Variants in SLAIN2 observed in about 807,000 individuals in gnomAD.
SLAIN2 encodes SLAIN motif-containing protein 2.
SLAIN2 carries 31 observed loss-of-function variants against 56.6 expected under a neutral mutation model. The ratio of observed to expected loss-of-function variants is 0.55; its 90% CI spans 0.41 to 0.74. The LOEUF (loss-of-function observed/expected upper bound fraction) is 0.74. Among genes scored for constraint, SLAIN2 ranks in the 30% least tolerant of loss-of-function variants. The pLI is 0.00. For missense variants in SLAIN2, 777 were observed against 754.2 expected (o/e 1.03, Z -0.35); for synonymous variants, 317 against 284.9 (o/e 1.11, Z -1.13).
intron 6 of SLAIN2, among the ~76,000 whole-genome samples, chr4:48,395,089 G>A (rs1458794348): frequency 1.3e-5 from 2 of 152,126 alleles, no homozygotes; most frequent in Non-Finnish European, 2.9e-5. Flanking sequence ...ATCACAAGTT[G>A]TGGTTGATTG....
intron 1 of SLAIN2, among the ~76,000 whole-genome samples, chr4:48,369,010 C>G (rs572373963): frequency 6.6e-6 from 1 of 152,258 alleles, no homozygotes; most frequent in Admixed American, 6.5e-5. Flanking sequence ...ATTATTGACT[C>G]CTTATTGAAA....
intron 1 of SLAIN2, among the ~76,000 whole-genome samples, chr4:48,365,044 C>G (rs62309425): frequency 1.3e-5 from 2 of 151,848 alleles, no homozygotes; most frequent in African/African-American, 4.8e-5. Context: ...TTAGGTTGTT[C>G]ATAATATTCG....
In SLAIN2 at chr4:48,412,400, AC is replaced by A. The variant is rs1560465825; in HGVS notation, c.1361-7724del. Among the ~76,000 whole-genome samples, 557 of 57,650 alleles carry A rather than the reference AC, an allele frequency of 9.7e-3. 27 individuals carry two copies. Among genetic ancestry groups the A allele is most frequent in the African/African-American group, 0.028 (536 of 18,950 alleles). The allele number at this position is 57,650 out of a possible 152,430, so 37.8% of individuals were successfully genotyped here. A position where few individuals can be genotyped will look rare whatever the true frequency, so the allele number is the denominator to read the frequency against. Reference sequence around the variant, plus strand: ...CACACACACACACACACACACACACACACACACACACACACATTCCCTCTCT... The same window carrying A: ...CACACACACACACACACACACACACAACACACACACACACATTCCCTCTCT... On this transcript the variant is annotated intron_variant, in intron 6 of 7. Transcript: ENST00000264313.
intron 1 of SLAIN2, among the ~76,000 whole-genome samples, chr4:48,365,444 CAAAAAAA>C (rs34317951): frequency 3.5e-5 from 2 of 56,990 alleles, no homozygotes; most frequent in African/African-American, 1.3e-4. Context: ...GACTCCATCT[CAAAAAAA>C]AAAAAAAAAA....
At chr4:48,393,357 G>A (rs1716282438) in intron 6 of SLAIN2, among the ~76,000 whole-genome samples, 1 of 149,358 alleles carries the variant, frequency 6.7e-6, no homozygotes, top group African/African-American at 2.5e-5. Context: ...CTGAATAGCT[G>A]GGACCACAGA....
intron 1 of SLAIN2, among the ~76,000 whole-genome samples, chr4:48,361,643 GT>G (rs1441905731): frequency 1.3e-5 from 2 of 151,836 alleles, no homozygotes; most frequent in Admixed American, 6.6e-5. Flanking sequence ...TTCCAAAATT[GT>G]TTTATCCGTT....
At chr4:48,366,296 A>T (rs1270239040) in intron 1 of SLAIN2, among the ~76,000 whole-genome samples, 1 of 152,126 alleles carries the variant, frequency 6.6e-6, no homozygotes, top group Non-Finnish European at 1.5e-5. Flanking sequence ...TTACTGTTGG[A>T]TGGAGTGTCC....
intron 2 of SLAIN2, among the ~76,000 whole-genome samples, chr4:48,372,007 CACACATATACATATAT>C (rs1715681074): frequency 6.7e-6 from 1 of 150,118 alleles, no homozygotes; most frequent in Admixed American, 6.7e-5. Flanking sequence ...CACACACACA[CACACATATACATATAT>C]ACACATATAT....
chr4:48,360,827 C>T (rs1283212992), intron 1 of SLAIN2, among the ~76,000 whole-genome samples: 1 of 152,162 alleles, frequency 6.6e-6, no homozygotes, highest in South Asian at 2.1e-4. Context: ...CTCAGATTTG[C>T]CTATTCTAGA....
At chr4:48,417,902 T>C (rs898902521) in intron 6 of SLAIN2, among the ~76,000 whole-genome samples, 1 of 152,218 alleles carries the variant, frequency 6.6e-6, no homozygotes. Flanking sequence ...TGATTTCTAA[T>C]GTTCGTTGCT....
At chr4:48,356,499 T>C (rs947987115) in intron 1 of SLAIN2, among the ~76,000 whole-genome samples, 10 of 152,212 alleles carry the variant, frequency 6.6e-5, no homozygotes, top group African/African-American at 2.4e-4. Flanking sequence ...GCTGAAAAGA[T>C]ACGTGCTAGT....
chr4:48,352,104 A>G (rs1017406770), intron 1 of SLAIN2, among the ~76,000 whole-genome samples: 1 of 138,570 alleles, frequency 7.2e-6, no homozygotes, highest in African/African-American at 2.6e-5. Flanking sequence ...GAGTTTTTGA[A>G]TATTGGAATG....
At chr4:48,376,899 C>G (rs1364242899) in intron 2 of SLAIN2, among the ~76,000 whole-genome samples, 1 of 145,472 alleles carries the variant, frequency 6.9e-6, no homozygotes, top group African/African-American at 2.5e-5. Context: ...GCGTGAGCCA[C>G]CGCGCCCGGC....
chr4:48,341,715 A>AGGCGGCGGC lies in SLAIN2; in HGVS notation c.-16_-8dup, dbSNP rs745600491. 30 of 1,521,584 alleles carry AGGCGGCGGC rather than the reference A, an allele frequency of 2.0e-5. No individual in the cohort carries two copies. Among genetic ancestry groups the AGGCGGCGGC allele is most frequent in the South Asian group, 1.7e-4 (14 of 81,040 alleles). 94.3% of individuals were successfully genotyped at this position (1,521,584 alleles called of 1,614,324 possible). A position where few individuals can be genotyped will look rare whatever the true frequency, so the allele number is the denominator to read the frequency against. ...CGCTGCGAGAGCGAGCGGGCGGCGGAGGCGGCGGCGGCGGCGGGGCCGGGA... is the reference window on the plus strand; with the variant it reads ...CGCTGCGAGAGCGAGCGGGCGGCGGAGGCGGCGGCGGCGGCGGCGGCGGCGGGGCCGGGA... On this transcript the variant is annotated 5_prime_UTR_variant, in exon 1 of 8. Coordinates refer to ENST00000264313, the MANE Select transcript of SLAIN2 (RefSeq NM_020846.2).
At chr4:48,399,437 T>C (rs1393232559) in intron 6 of SLAIN2, among the ~76,000 whole-genome samples, 1 of 152,208 alleles carries the variant, frequency 6.6e-6, no homozygotes, top group Non-Finnish European at 1.5e-5. Context: ...TATAGAATAA[T>C]GTCATCTGCA....
At chr4:48,357,823 G>A (rs541398394) in intron 1 of SLAIN2, among the ~76,000 whole-genome samples, 1 of 152,178 alleles carries the variant, frequency 6.6e-6, no homozygotes, top group East Asian at 1.9e-4. Context: ...CCAAAGTGCT[G>A]GGATTACAGG....
chr4:48,420,687 G>C (rs1453142011), intron 7 of SLAIN2, among the ~76,000 whole-genome samples: 1 of 151,970 alleles, frequency 6.6e-6, no homozygotes, highest in Non-Finnish European at 1.5e-5. Context: ...CATCTCAGAG[G>C]ACCCCTAGAA....
Position 48,341,893 on chromosome 4 carries a change from G to GCCGGCGCGTCCATTCCCTCCT in SLAIN2, c.163_183dup (p.Ser55_Ala61dup). 2 of 1,513,596 alleles carry GCCGGCGCGTCCATTCCCTCCT rather than the reference G, an allele frequency of 1.3e-6. No individual in the cohort carries two copies. Among genetic ancestry groups the GCCGGCGCGTCCATTCCCTCCT allele is most frequent in the Middle Eastern group, 2.3e-4 (1 of 4,270 alleles). 93.8% of individuals were successfully genotyped at this position (1,513,596 alleles called of 1,614,324 possible). ...CCTTGGGCCCGGCAGCCCGGTTCGG[G>GCCGGCGCGTCCATTCCCTCCT]CCGGCGCGTCCATTCCCTCCTCCGG... On this transcript the variant is annotated inframe_insertion, in exon 1 of 8. Coordinates refer to ENST00000264313, the MANE Select transcript of SLAIN2 (RefSeq NM_020846.2).
intron 1 of SLAIN2, among the ~76,000 whole-genome samples, chr4:48,356,638 G>T (rs1279281280): frequency 1.3e-5 from 2 of 152,168 alleles, no homozygotes; most frequent in African/African-American, 4.8e-5. Context: ...GTCTAGGTTG[G>T]TCTCACTGTA....
Sources: allele counts gnomAD v4.1 joint callset (sites outside exome capture counted in the v4.1 genomes callset), GRCh38; gene constraint gnomAD v4.1.1; transcripts MANE v1.5; gene names NCBI Gene and HGNC (gene_info 2026-07-23, HGNC 2026-07-21).